Variants in CEP126 observed in about 807,000 individuals in gnomAD.
CEP126 encodes the protein centrosomal protein 126.
A neutral mutation model predicts 107.8 loss-of-function variants in CEP126; 74 were observed. The observed-to-expected ratio is 0.69, with a 90% CI of 0.57 to 0.83. The LOEUF (loss-of-function observed/expected upper bound fraction) is 0.83. CEP126 is among the 40% of genes least tolerant of loss of function. The probability of loss-of-function intolerance (pLI) is 0.00; values close to 1 mark genes in which losing one functional copy is unlikely to be tolerated. For synonymous variants in CEP126, 449 were observed against 446.0 expected (o/e 1.01, Z -0.08); for missense variants, 1,237 against 1,281.9 (o/e 0.96, Z 0.53).
At chr11:101,916,376 A>C (rs1940213224) in intron 1 of CEP126, 1 of 152,214 alleles carries the variant, frequency 6.6e-6, no homozygotes. Flanking sequence ...CTAGTGAGGA[A>C]GACAAATGTG....
intron 8 of CEP126, among the ~76,000 whole-genome samples, chr11:101,983,739 A>G (rs1019853812): frequency 2.0e-5 from 3 of 152,212 alleles, no homozygotes; most frequent in African/African-American, 7.2e-5. Context: ...AACATTGACT[A>G]TAGCTGATGA....
intron 10 of CEP126, among the ~76,000 whole-genome samples, chr11:101,996,875 G>A (rs923612381): frequency 6.6e-6 from 1 of 152,080 alleles, no homozygotes; most frequent in Admixed American, 6.5e-5. Flanking sequence ...GTCGGACATT[G>A]TTTTCACAAG....
intron 9 of CEP126, among the ~76,000 whole-genome samples, chr11:101,989,357 A>G (rs1941350355): frequency 6.6e-6 from 1 of 152,122 alleles, no homozygotes; most frequent in Non-Finnish European, 1.5e-5. Context: ...GCATCGTAAC[A>G]TGTTTAGCAG....
At position 101,962,800 on chromosome 11, in the gene CEP126, T is replaced by A. The variant is rs147212494; in HGVS notation, c.1765T>A (p.Tyr589Asn). ...GAAAGAATCTAAATATGAACATGGT[T>A]ATCTTAAGGCATTAATTATAAATCA... is the stretch of plus-strand genomic sequence containing the variant. ...LKKESKYEHGYLKALIINQSF... is the reference protein window; with the variant it reads ...LKKESKYEHGNLKALIINQSF... Residue 589 changes from tyrosine (Y) to asparagine (N), a missense_variant, in exon 6 of 11, where the codon TAT becomes AAT. By Grantham distance (143) the Tyr-to-Asn change is moderately radical (BLOSUM62 -2). Around this residue, in one of 3 missense-constraint regions of CEP126, gnomAD observed 1,134 missense variants for 1,150.5 expected, o/e 0.99. Coordinates refer to ENST00000263468, the MANE Select transcript of CEP126 (RefSeq NM_020802.4). The A allele has an allele frequency of 5.4e-5, 87 of 1,602,404 alleles. No homozygotes were observed. In the African/African-American group the frequency reaches 1.1e-3, roughly 20 times the overall value.
At chr11:101,997,572 T>C (rs1474717479) in intron 10 of CEP126, 27 bp from the exon 11 acceptor site, 1 of 1,614,070 alleles carries the variant, frequency 6.2e-7, no homozygotes, top group Non-Finnish European at 8.5e-7. Context: ...TGTGTTTGCA[T>C]GCTTGTTTCT....
Position 101,915,122 on chromosome 11 carries a change from C to A in CEP126, c.-163C>A. 1 of 1,081,560 alleles carries A rather than the reference C, an allele frequency of 9.2e-7. No individual in the cohort carries two copies. Among genetic ancestry groups the A allele is most frequent in the Non-Finnish European group, 1.3e-6 (1 of 774,932 alleles). 67.0% of individuals were successfully genotyped at this position (1,081,560 alleles called of 1,614,324 possible). On this transcript the variant is annotated 5_prime_UTR_variant, in exon 1 of 11. Coordinates refer to ENST00000263468, the MANE Select transcript of CEP126 (RefSeq NM_020802.4). ...GCCATCGCCGCTACAGGCACCAGTG[C>A]CGCTGCGCGGGAGCTAGGGCTGTCG...
chr11:101,954,684 A>G (rs1192280991), intron 4 of CEP126, among the ~76,000 whole-genome samples: 1 of 152,046 alleles, frequency 6.6e-6, no homozygotes, highest in Non-Finnish European at 1.5e-5. Flanking sequence ...TTGGAAAACA[A>G]CAAGTGTATA....
chr11:101,962,025 T>G lies in CEP126; in HGVS notation c.990T>G (p.Ile330Met), dbSNP rs1364144693. The G allele has an allele frequency of 6.2e-7, 1 of 1,613,226 alleles. No individual in the cohort carries two copies. The highest frequency in any genetic ancestry group is 2.2e-5 in the East Asian group (1 of 44,860). ...AGAATGTCACAGCTTTCTCAGATAT[T>G]TTAAGTAAATCTAATGTTCTGCCTT... is the stretch of plus-strand genomic sequence containing the variant. ...NTQNVTAFSDILSKSNVLPSW... is the reference protein window; with the variant it reads ...NTQNVTAFSDMLSKSNVLPSW... The change falls in exon 6 of 11, where the codon ATT (isoleucine) becomes ATG (methionine). Residue 330 changes from isoleucine (I) to methionine (M), a missense_variant. Ile to Met is a conservative substitution (Grantham distance 10). Transcript: ENST00000263468.
chr11:101,996,399 C>G (rs990532448), intron 10 of CEP126, among the ~76,000 whole-genome samples: 3 of 152,174 alleles, frequency 2.0e-5, no homozygotes, highest in African/African-American at 7.2e-5. Flanking sequence ...GTAGAGCAGG[C>G]TACATTTTTA....
chr11:101,926,266 G>A (rs576592282), intron 2 of CEP126, among the ~76,000 whole-genome samples: 1 of 152,242 alleles, frequency 6.6e-6, no homozygotes, highest in African/African-American at 2.4e-5. Context: ...TCTCGTATTA[G>A]TTAACCAAGA....
chr11:101,943,781 G>A (rs1940698988), intron 2 of CEP126, among the ~76,000 whole-genome samples: 1 of 152,038 alleles, frequency 6.6e-6, no homozygotes, highest in Non-Finnish European at 1.5e-5. Flanking sequence ...CCACATTTTT[G>A]TGTAAATTTC....
chr11:101,985,419 A>G (rs985466747), intron 8 of CEP126, among the ~76,000 whole-genome samples: 1 of 151,906 alleles, frequency 6.6e-6, no homozygotes, highest in African/African-American at 2.4e-5. Context: ...AGTAGCTGGG[A>G]TGACAGGCGT....
rs946381872 is a variant in CEP126, at chr11:101,999,262, G to A, written c.*1619G>A. On this transcript the variant is annotated 3_prime_UTR_variant, in exon 11 of 11. Transcript: ENST00000263468. Reference sequence around the variant, plus strand: ...GCCAGAAGAGTGTGCCAAGTTGTTTGTGAATCATTCCAAGCACCTCAGATG... The same window carrying A: ...GCCAGAAGAGTGTGCCAAGTTGTTTATGAATCATTCCAAGCACCTCAGATG... 3.3e-5 allele frequency: 5 copies of A among 150,856 alleles called. No homozygotes were observed. The highest frequency in any genetic ancestry group is 7.3e-5 in the African/African-American group (3 of 40,960). 9.3% of individuals were successfully genotyped at this position (150,856 alleles called of 1,614,324 possible). A position where few individuals can be genotyped will look rare whatever the true frequency, so the allele number is the denominator to read the frequency against.
chr11:101,991,314 A>G (rs1028940479), intron 9 of CEP126, among the ~76,000 whole-genome samples: 1 of 152,206 alleles, frequency 6.6e-6, no homozygotes, highest in African/African-American at 2.4e-5. Flanking sequence ...TTCAAGACAC[A>G]AATACTATCT....
At position 101,992,760 on chromosome 11, in the gene CEP126, G is replaced by C; in HGVS notation, c.3245-18G>C. ...TATGTAACTAAATTATTTTGGTATT[G>C]TGATATAATTATTTCAGATATACAA... On this transcript the variant is annotated intron_variant, in intron 9 of 10. Coordinates refer to ENST00000263468, the MANE Select transcript of CEP126 (RefSeq NM_020802.4). 7.7e-7 allele frequency: 1 copy of C among 1,292,996 alleles called. No homozygotes were observed. Among genetic ancestry groups the C allele is most frequent in the South Asian group, 1.4e-5 (1 of 69,678 alleles). The allele number at this position is 1,292,996 out of a possible 1,614,324, so 80.1% of individuals were successfully genotyped here.
At chr11:101,974,273 T>C (rs1458608222) in intron 6 of CEP126, among the ~76,000 whole-genome samples, 1 of 152,138 alleles carries the variant, frequency 6.6e-6, no homozygotes, top group Non-Finnish European at 1.5e-5. Flanking sequence ...TTTTATAATA[T>C]ATATTTTAAG....
chr11:101,931,699 T>C lies in CEP126; in HGVS notation c.248+8939T>C. On this transcript the variant is annotated intron_variant, in intron 2 of 10. Coordinates refer to ENST00000263468, the MANE Select transcript of CEP126 (RefSeq NM_020802.4). ...GTAGCTACCTAGATCTGAAATGTCG[T>C]TCCGTCCAGAAGAAAGAAATGTATC... Among the ~76,000 whole-genome samples the C allele has an allele frequency of 1.3e-5, 2 of 152,208 alleles. 1 individual carries two copies. The highest frequency in any genetic ancestry group is 2.9e-5 in the Non-Finnish European group (2 of 68,040).
At chr11:101,996,527 A>G (rs1941443526) in intron 10 of CEP126, among the ~76,000 whole-genome samples, 1 of 152,196 alleles carries the variant, frequency 6.6e-6, no homozygotes, top group East Asian at 1.9e-4. Context: ...CATAATTCTT[A>G]TAATGGCTTT....
intron 2 of CEP126, among the ~76,000 whole-genome samples, chr11:101,926,338 AAGCC>A (rs1338667454): frequency 6.6e-6 from 1 of 152,214 alleles, no homozygotes; most frequent in Non-Finnish European, 1.5e-5. Context: ...ATATGTGAAA[AAGCC>A]TAATGTTATG....
Sources: gnomAD v4.1 joint callset for allele counts (sites outside exome capture counted in the v4.1 genomes callset) on GRCh38, gnomAD v4.1.1 for gene constraint, gnomAD v4.1.1 regional missense constraint, MANE v1.5 for transcripts, NCBI Gene and HGNC (gene_info 2026-07-23, HGNC 2026-07-21) for gene names.